Variants in SYN3 observed in about 807,000 individuals in gnomAD.
The protein encoded by SYN3 is synapsin-3.
In SYN3, 35 loss-of-function variants were observed where a neutral mutation model predicts 65.8. The ratio of observed to expected loss-of-function variants is 0.53; its 90% confidence interval spans 0.41 to 0.70. The LOEUF is 0.70. Ranked by LOEUF, SYN3 falls within the 30% of genes least tolerant of loss-of-function variation. The pLI is 0.00. For missense variants in SYN3, 680 were observed against 749.0 expected (o/e 0.91, Z 1.08); for synonymous variants, 270 against 292.9 (o/e 0.92, Z 0.80).
At chr22:32,537,801 A>C (rs929748086) in intron 9 of SYN3, among the ~76,000 whole-genome samples, 3 of 152,198 alleles carry the variant, frequency 2.0e-5, no homozygotes, top group African/African-American at 7.2e-5. Context: ...GATCCTAGAC[A>C]AATCACTTCC....
chr22:32,815,816 T>A (rs2047074881), intron 6 of SYN3, among the ~76,000 whole-genome samples: 1 of 152,002 alleles, frequency 6.6e-6, no homozygotes, highest in South Asian at 2.1e-4. Flanking sequence ...GACTCCAGAG[T>A]CCGAGCAATC....
At chr22:32,808,846 G>A (rs1380556531) in intron 6 of SYN3, among the ~76,000 whole-genome samples, 1 of 152,218 alleles carries the variant, frequency 6.6e-6, no homozygotes, top group Non-Finnish European at 1.5e-5. Flanking sequence ...GAAACTCCCA[G>A]AGGGGATCAT....
At chr22:32,694,591 A>G (rs2147171835) in intron 6 of SYN3, among the ~76,000 whole-genome samples, 1 of 152,318 alleles carries the variant, frequency 6.6e-6, no homozygotes, top group African/African-American at 2.4e-5. Flanking sequence ...TCCACAGCTG[A>G]AGGCAGTTGA....
chr22:32,514,219 T>A (rs376340521), intron 13 of SYN3, among the ~76,000 whole-genome samples: 11 of 152,332 alleles, frequency 7.2e-5, no homozygotes, highest in African/African-American at 2.4e-4. Flanking sequence ...ATGTGCTGTA[T>A]CAACATCAGG....
intron 6 of SYN3, among the ~76,000 whole-genome samples, chr22:32,612,541 A>G (rs1412415058): frequency 6.6e-6 from 1 of 152,344 alleles, no homozygotes; most frequent in African/African-American, 2.4e-5. Flanking sequence ...TAAAGAAAAA[A>G]GTATAGAGAA....
rs1207786738 is a variant in SYN3 at position 32,837,939 on chromosome 22, A to C, written c.711+26976T>G. On this transcript the variant is annotated intron_variant, in intron 6 of 13. Transcript: ENST00000358763. The surrounding 1 kb of genome is among the most constrained non-coding windows in gnomAD (Gnocchi z 4.1). ...GGGCCTCTGCCCAACCATGACCAGAAGGTCCTCTCCTTTCTCTTTCTCTTA... is the reference window on the plus strand; with the variant it reads ...GGGCCTCTGCCCAACCATGACCAGACGGTCCTCTCCTTTCTCTTTCTCTTA... Among the ~76,000 whole-genome samples, 1 of 152,190 alleles carries C rather than the reference A, an allele frequency of 6.6e-6. No homozygotes were observed. The highest frequency in any genetic ancestry group is 2.4e-5 in the African/African-American group (1 of 41,438).
intron 1 of SYN3, among the ~76,000 whole-genome samples, chr22:33,023,287 G>A (rs1303875970): frequency 6.6e-6 from 1 of 152,176 alleles, no homozygotes; most frequent in Non-Finnish European, 1.5e-5. Flanking sequence ...CATGGGGGCA[G>A]GTCTTTCCCA....
chr22:32,571,099 C>T (rs2146420030), intron 7 of SYN3, among the ~76,000 whole-genome samples: 1 of 152,230 alleles, frequency 6.6e-6, no homozygotes, highest in East Asian at 1.9e-4. Context: ...AAATCATGAC[C>T]ACAGTCCACT....
rs967548662 is a variant in SYN3 at position 33,011,171 on chromosome 22, C to G, written c.-162-4347G>C. Among the ~76,000 whole-genome samples the G allele has an allele frequency of 4.6e-5, 7 of 152,304 alleles. 1 individual carries two copies. Among genetic ancestry groups the G allele is most frequent in the East Asian group, 3.9e-4 (2 of 5,184 alleles). On this transcript the variant is annotated intron_variant, in intron 1 of 13. Coordinates refer to ENST00000358763, the MANE Select transcript of SYN3 (RefSeq NM_003490.4). ...TGTTCCGAATCTTAGGGGGGAAACA[C>G]TCAGTATCTCACCATTAATGTGGTG...
At chr22:33,046,801 C>A (rs1308572877) in intron 1 of SYN3, among the ~76,000 whole-genome samples, 4 of 147,090 alleles carry the variant, frequency 2.7e-5, no homozygotes, top group African/African-American at 1.0e-4. Flanking sequence ...TGAGACCACA[C>A]CACTGCACTC....
chr22:32,809,659 T>G (rs556007702), intron 6 of SYN3, among the ~76,000 whole-genome samples: 62 of 152,372 alleles, frequency 4.1e-4, no homozygotes, highest in African/African-American at 1.3e-3. Flanking sequence ...CTAGAACTGC[T>G]GATACTAGCC....
chr22:32,963,489 A>G (rs560937501), intron 3 of SYN3, among the ~76,000 whole-genome samples: 1 of 152,236 alleles, frequency 6.6e-6, no homozygotes, highest in Admixed American at 6.5e-5. Context: ...TTCTAGAGAG[A>G]TGGAGAAAGC....
At chr22:32,778,352 G>C in intron 6 of SYN3, among the ~76,000 whole-genome samples, 1 of 151,994 alleles carries the variant, frequency 6.6e-6, no homozygotes, top group African/African-American at 2.4e-5. Context: ...GCAGAGGCAC[G>C]ATCTTGGCTC....
intron 7 of SYN3, among the ~76,000 whole-genome samples, chr22:32,594,677 G>A (rs1192751707): frequency 2.6e-5 from 4 of 152,022 alleles, no homozygotes; most frequent in Non-Finnish European, 5.9e-5. Context: ...TAGTAGAGAC[G>A]GGGTTTCTCC....
intron 12 of SYN3, among the ~76,000 whole-genome samples, chr22:32,521,442 ATTTTTTT>A (rs34710233): frequency 3.3e-5 from 4 of 119,760 alleles, no homozygotes; most frequent in African/African-American, 1.3e-4. Flanking sequence ...ACACCTCTTG[ATTTTTTT>A]TTTTTTTTTT....
At chr22:32,678,560 C>T (rs2060478722) in intron 6 of SYN3, among the ~76,000 whole-genome samples, 1 of 151,546 alleles carries the variant, frequency 6.6e-6, no homozygotes, top group African/African-American at 2.4e-5. Context: ...CTTCATCCTC[C>T]TCCTCCTTCC....
chr22:32,884,294 A>C (rs1177228477), intron 4 of SYN3, among the ~76,000 whole-genome samples: 1 of 152,228 alleles, frequency 6.6e-6, no homozygotes, highest in Non-Finnish European at 1.5e-5. Context: ...CCCAGGGGTC[A>C]ATTGATTGCA....
chr22:32,997,432 G>A (rs1263591508), intron 2 of SYN3, among the ~76,000 whole-genome samples: 5 of 152,264 alleles, frequency 3.3e-5, no homozygotes, highest in Non-Finnish European at 1.5e-5. Flanking sequence ...TGGTCAGCAG[G>A]AGGGTGGCAC....
chr22:32,817,132 C>T (rs936743279), intron 6 of SYN3, among the ~76,000 whole-genome samples: 5 of 151,458 alleles, frequency 3.3e-5, no homozygotes, highest in African/African-American at 4.9e-5. Flanking sequence ...GTGGGAGAAT[C>T]GCTTGAGTCC....
Sources: allele counts gnomAD v4.1 joint callset (sites outside exome capture counted in the v4.1 genomes callset), GRCh38; gene constraint gnomAD v4.1.1; non-coding constraint Gnocchi (gnomAD v3.1); transcripts MANE v1.5; gene names NCBI Gene and HGNC (gene_info 2026-07-23, HGNC 2026-07-21).